The following RGS7 variants were observed in gnomAD, a reference collection of about 807,000 sequenced individuals.
RGS7 encodes the protein regulator of G-protein signaling 7.
RGS7 carries 27 observed loss-of-function variants against 81.1 expected under a neutral mutation model. That is an observed-to-expected ratio of 0.33 (90% CI 0.25 to 0.46). The LOEUF (loss-of-function observed/expected upper bound fraction) is 0.46. Among genes scored for constraint, RGS7 ranks in the 20% least tolerant of loss-of-function variants. The pLI, the probability that RGS7 is intolerant of heterozygous loss-of-function variation, is 1.00. For missense variants in RGS7, 396 were observed against 607.4 expected (o/e 0.65, Z 3.66); for synonymous variants, 208 against 207.7 (o/e 1.00, Z -0.01).
chr1:240,885,417 C>A (rs1667184517), intron 6 of RGS7, among the ~76,000 whole-genome samples: 1 of 152,116 alleles, frequency 6.6e-6, no homozygotes, highest in Non-Finnish European at 1.5e-5. Flanking sequence ...CTGAGAGGAA[C>A]AGAAATCATT....
At chr1:241,127,392 G>A (rs985590351) in intron 2 of RGS7, among the ~76,000 whole-genome samples, 4 of 152,082 alleles carry the variant, frequency 2.6e-5, no homozygotes, top group Admixed American at 2.0e-4. Flanking sequence ...TACTAAATCC[G>A]TCAATAATCC....
intron 2 of RGS7, among the ~76,000 whole-genome samples, chr1:241,316,039 T>TA (rs1444571713): frequency 1.3e-5 from 2 of 152,198 alleles, no homozygotes; most frequent in Non-Finnish European, 2.9e-5. Flanking sequence ...AAAACAAACT[T>TA]AGTTTCTCCT....
intron 3 of RGS7, among the ~76,000 whole-genome samples, chr1:241,010,872 G>A (rs1014159179): frequency 3.9e-5 from 6 of 152,142 alleles, no homozygotes. Context: ...CCTCTCATCA[G>A]AAAGGCTATC....
At chr1:241,181,042 AG>A (rs2071572963) in intron 2 of RGS7, among the ~76,000 whole-genome samples, 1 of 152,222 alleles carries the variant, frequency 6.6e-6, no homozygotes, top group South Asian at 2.1e-4. Flanking sequence ...AGTGGTTGTC[AG>A]GGGTTAGAGG....
intron 6 of RGS7, among the ~76,000 whole-genome samples, chr1:240,887,824 TATTA>T (rs1197259956): frequency 3.3e-5 from 5 of 152,234 alleles, no homozygotes; most frequent in African/African-American, 7.2e-5. Context: ...TCTATTTAAT[TATTA>T]ATTCTTTCTG....
At chr1:240,828,742 G>A (rs1184546151) in intron 9 of RGS7, among the ~76,000 whole-genome samples, 1 of 152,204 alleles carries the variant, frequency 6.6e-6, no homozygotes, top group Non-Finnish European at 1.5e-5. Flanking sequence ...AGCCAAGATT[G>A]CGCCAATGCA....
intron 2 of RGS7, among the ~76,000 whole-genome samples, chr1:241,099,784 G>A: frequency 6.6e-6 from 1 of 152,096 alleles, no homozygotes; most frequent in Admixed American, 6.6e-5. Context: ...ACATATGACT[G>A]GGCACCGTGG....
chr1:241,184,882 C>G (rs776795028), intron 2 of RGS7, among the ~76,000 whole-genome samples: 2 of 152,152 alleles, frequency 1.3e-5, no homozygotes, highest in African/African-American at 2.4e-5. Context: ...GCTATAAAAG[C>G]TTGAATTAAT....
At chr1:240,894,741 T>C (rs759628349) in intron 6 of RGS7, among the ~76,000 whole-genome samples, 1 of 152,182 alleles carries the variant, frequency 6.6e-6, no homozygotes, top group Non-Finnish European at 1.5e-5. Flanking sequence ...TAATATAAAT[T>C]TCTTGTCAAT....
intron 4 of RGS7, among the ~76,000 whole-genome samples, chr1:240,971,699 A>T (rs978152999): frequency 6.6e-6 from 1 of 152,192 alleles, no homozygotes; most frequent in African/African-American, 2.4e-5. Flanking sequence ...ATTTATACTT[A>T]ATGGCTCCAA....
At position 240,775,699 on chromosome 1, in the gene RGS7, C is replaced by T. The variant is rs1479867789; in HGVS notation, c.*521G>A. ...AACAGACGAAGACATGAGTTTGTTT[C>T]TGACTGTGACACATTGGTGAAATGA... On this transcript the variant is annotated 3_prime_UTR_variant, in exon 19 of 19. Coordinates refer to ENST00000440928, the MANE Select transcript of RGS7 (RefSeq NM_001364886.1). 1 of 166,446 alleles carries T rather than the reference C, an allele frequency of 6.0e-6. No individual in the cohort carries two copies. Among genetic ancestry groups the T allele is most frequent in the Non-Finnish European group, 1.3e-5 (1 of 74,970 alleles). 10.3% of individuals were successfully genotyped at this position (166,446 alleles called of 1,614,324 possible).
rs916815473 is a variant in RGS7 at position 240,996,420 on chromosome 1, T to C, written c.176-13291A>G. Among the ~76,000 whole-genome samples the C allele has an allele frequency of 9.8e-5, 15 of 152,322 alleles. No homozygotes were observed. The East Asian group carries it at 2.9e-3, about 29-fold the overall frequency. Reference sequence around the variant, plus strand: ...AGTGTTAAAGTCTCAGCTCTAATAATGGAATAGTCTAGTTCTTCTTTCAGT... The same window carrying C: ...AGTGTTAAAGTCTCAGCTCTAATAACGGAATAGTCTAGTTCTTCTTTCAGT... On this transcript the variant is annotated intron_variant, in intron 3 of 18. Transcript: ENST00000440928.
At chr1:240,852,546 T>C (rs569754313) in intron 9 of RGS7, among the ~76,000 whole-genome samples, 76 of 152,278 alleles carry the variant, frequency 5.0e-4, no homozygotes, top group African/African-American at 1.6e-3. Flanking sequence ...GTAATTTATA[T>C]AAAGTACCAG....
chr1:241,205,880 G>GCTAGACAAA, intron 2 of RGS7, among the ~76,000 whole-genome samples: 1 of 152,110 alleles, frequency 6.6e-6, no homozygotes, highest in Non-Finnish European at 1.5e-5. Context: ...TAATTCCCAG[G>GCTAGACAAA]CTAGACAAAT....
At position 241,073,986 on chromosome 1, in the gene RGS7, C is replaced by T. The variant is rs112147844; in HGVS notation, c.175+24680G>A. 4.2e-4 allele frequency among the ~76,000 whole-genome samples: 64 copies of T among 151,986 alleles called. 1 individual carries two copies. The Middle Eastern group carries it at 0.01, about 24-fold the overall frequency. On this transcript the variant is annotated intron_variant, in intron 3 of 18. Transcript: ENST00000440928. The stretch of plus-strand genomic sequence containing the variant: ...CACGATCTCAGCTCACCGTAACCTC[C>T]GCCTCCCAGGTTCAAGTGATTCTCG...
chr1:241,019,399 C>T (rs548420717), intron 3 of RGS7, among the ~76,000 whole-genome samples: 255 of 151,792 alleles, frequency 1.7e-3, no homozygotes, highest in Non-Finnish European at 2.2e-3. Context: ...GGTACATGTG[C>T]GCAACATGCA....
At chr1:241,337,922 T>C (rs1249089990) in intron 2 of RGS7, among the ~76,000 whole-genome samples, 1 of 152,256 alleles carries the variant, frequency 6.6e-6, no homozygotes, top group African/African-American at 2.4e-5. Flanking sequence ...ATAAGCTCAC[T>C]ATTGTTTTGG....
chr1:241,209,354 C>T (rs1275174754), intron 2 of RGS7, among the ~76,000 whole-genome samples: 3 of 151,990 alleles, frequency 2.0e-5, no homozygotes, highest in South Asian at 2.1e-4. Context: ...TAACAAACCG[C>T]GAGCTTACCT....
At chr1:241,162,057 G>A (rs969011349) in intron 2 of RGS7, among the ~76,000 whole-genome samples, 3 of 152,102 alleles carry the variant, frequency 2.0e-5, no homozygotes, top group Non-Finnish European at 4.4e-5. Context: ...GCAGACGTGA[G>A]CAGGTCAGGA....
Sources: gnomAD v4.1 joint callset for allele counts (sites outside exome capture counted in the v4.1 genomes callset) on GRCh38, gnomAD v4.1.1 for gene constraint, MANE v1.5 for transcripts, NCBI Gene and HGNC (gene_info 2026-07-23, HGNC 2026-07-21) for gene names.